Variants in SLC3A1 observed in about 807,000 individuals in gnomAD.
SLC3A1 encodes the protein solute carrier family 3 member 1, also known as amino acid transporter heavy chain SLC3A1.
Under a neutral mutation model 60.3 loss-of-function variants are expected in SLC3A1, and 78 were observed. The observed-to-expected ratio is 1.29, with a 90% CI of 1.08 to 1.56. The LOEUF is 1.56. Ranked by LOEUF, SLC3A1 falls within the 40% of genes most tolerant of loss-of-function variation. SLC3A1 has a pLI of 0.00. For synonymous variants in SLC3A1, 392 were observed against 307.9 expected (o/e 1.27, Z -2.86); for missense variants, 1,172 against 858.9 (o/e 1.36, Z -4.56).
At chr2:44,300,514 T>C (rs1017172634) in intron 5 of SLC3A1, among the ~76,000 whole-genome samples, 2 of 152,154 alleles carry the variant, frequency 1.3e-5, no homozygotes, top group Non-Finnish European at 2.9e-5. Flanking sequence ...GACACTGACA[T>C]AGAAATCCTA....
chr2:44,322,132 C>T (rs920591079), downstream of SLC3A1, among the ~76,000 whole-genome samples: 1 of 152,138 alleles, frequency 6.6e-6, no homozygotes, highest in African/African-American at 2.4e-5. Context: ...TATGGTGCCA[C>T]ACGGACAAGG....
chr2:44,319,028 C>G (rs1039227167), intron 9 of SLC3A1: 2 of 152,184 alleles, frequency 1.3e-5, no homozygotes, highest in East Asian at 1.9e-4. Context: ...ATGTGAGTGG[C>G]ACTGAAACAT....
chr2:44,308,000 C>T (rs1232798717), intron 7 of SLC3A1, among the ~76,000 whole-genome samples: 1 of 152,070 alleles, frequency 6.6e-6, no homozygotes, highest in African/African-American at 2.4e-5. Flanking sequence ...GTAGGCTGGG[C>T]GTGGTGGCTC....
chr2:44,302,128 TAGTAC>T (rs770859273), intron 6 of SLC3A1, among the ~76,000 whole-genome samples: 30 of 152,294 alleles, frequency 2.0e-4, no homozygotes, highest in South Asian at 1.5e-3. Flanking sequence ...TATAGTTTCC[TAGTAC>T]AGTATATAAA....
intron 7 of SLC3A1, among the ~76,000 whole-genome samples, chr2:44,309,789 G>T (rs113456314): frequency 0.053 from 8,064 of 152,238 alleles, 277 homozygotes; most frequent in South Asian, 0.15. Flanking sequence ...AGTAGAAATG[G>T]GGTTTTACCA....
In SLC3A1 at chr2:44,285,904, G is replaced by A; in HGVS notation, c.766-128G>A. 3.3e-6 allele frequency: 4 copies of A among 1,230,338 alleles called. No individual in the cohort carries two copies. The Admixed American group carries it at 6.8e-5, about 21-fold the overall frequency. 76.2% of individuals were successfully genotyped at this position (1,230,338 alleles called of 1,614,324 possible). A position where few individuals can be genotyped will look rare whatever the true frequency, so the allele number is the denominator to read the frequency against. The stretch of plus-strand genomic sequence containing the variant: ...TTGGAAGGGGTTTCTTTAACCTGCT[G>A]CTCTCTGTAGAAGGAAAACTCTCAG... On this transcript the variant is annotated intron_variant, in intron 3 of 9. Transcript: ENST00000260649.
At chr2:44,299,100 C>A (rs1007622491) in intron 4 of SLC3A1, among the ~76,000 whole-genome samples, 1 of 150,352 alleles carries the variant, frequency 6.7e-6, no homozygotes, top group Non-Finnish European at 1.5e-5. Context: ...GTGCAATGGC[C>A]CAATCTCGGC....
At chr2:44,322,395 G>T (rs986256057), downstream of SLC3A1, among the ~76,000 whole-genome samples, 13 of 152,092 alleles carry the variant, frequency 8.5e-5, no homozygotes, top group Non-Finnish European at 1.5e-4. Flanking sequence ...CTGTCTTTTA[G>T]AGATTCCCAA....
At chr2:44,312,439 G>A (rs1005049112) in intron 7 of SLC3A1, 147 bp from the exon 8 acceptor site, 2 of 761,300 alleles carry the variant, frequency 2.6e-6, no homozygotes, top group East Asian at 5.3e-5. Context: ...ACAGCAAATA[G>A]CAGGCCTAGG....
intron 4 of SLC3A1, among the ~76,000 whole-genome samples, chr2:44,296,582 A>T (rs1671850639): frequency 6.6e-6 from 1 of 152,196 alleles, no homozygotes; most frequent in Admixed American, 6.5e-5. Flanking sequence ...TAAAAAATTG[A>T]TTCAAGCTTC....
At position 44,304,223 on chromosome 2, in the gene SLC3A1, A is replaced by AT. The variant is rs1672093562; in HGVS notation, c.1221dup (p.Pro408SerfsTer19). The AT allele has an allele frequency of 7.4e-6, 12 of 1,614,076 alleles. No individual in the cohort carries two copies. Among genetic ancestry groups the AT allele is most frequent in the Non-Finnish European group, 1.0e-5 (12 of 1,179,936 alleles). On this transcript the variant is annotated frameshift_variant, in exon 7 of 10. Transcript: ENST00000260649. LOFTEE classifies it high-confidence loss of function. ...GGATTGCCATTTATCCAAGAAGCTG[A>AT]TTTTCCCTTCAACAATTACCTCAGC...
Position 44,295,398 on chromosome 2 carries a change from C to T in SLC3A1, c.892-4573C>T, listed in dbSNP as rs372817392. On this transcript the variant is annotated intron_variant, in intron 4 of 9. Coordinates refer to ENST00000260649, the MANE Select transcript of SLC3A1 (RefSeq NM_000341.4). ...ACCTAGCTGACCCAGGCTCTGTGCC[C>T]ATTTTTGCATCTGGAACCCTGAGAG... 1.2e-4 allele frequency among the ~76,000 whole-genome samples: 19 copies of T among 152,260 alleles called. No individual in the cohort carries two copies. The East Asian group carries it at 1.3e-3, about 11-fold the overall frequency.
downstream of SLC3A1, among the ~76,000 whole-genome samples, chr2:44,322,360 T>C (rs539685734): frequency 1.3e-5 from 2 of 152,310 alleles, no homozygotes; most frequent in East Asian, 3.9e-4. Context: ...TGGGCACTGA[T>C]GGCCCAAAAC....
At chr2:44,317,692 AAT>A (rs1672540090) in intron 9 of SLC3A1, 1 of 152,442 alleles carries the variant, frequency 6.6e-6, no homozygotes, top group Non-Finnish European at 1.5e-5. Context: ...CTAGACATAA[AAT>A]ATAACAATTT....
intron 7 of SLC3A1, among the ~76,000 whole-genome samples, chr2:44,310,646 T>G (rs1221059528): frequency 6.6e-6 from 1 of 152,212 alleles, no homozygotes; most frequent in African/African-American, 2.4e-5. Context: ...TTGAGGTTCT[T>G]AGATACACAA....
At chr2:44,310,216 A>G (rs1020315159) in intron 7 of SLC3A1, among the ~76,000 whole-genome samples, 1 of 152,134 alleles carries the variant, frequency 6.6e-6, no homozygotes, top group Non-Finnish European at 1.5e-5. Context: ...TACTTCTGTG[A>G]TTTTGAGGAA....
intron 4 of SLC3A1, among the ~76,000 whole-genome samples, chr2:44,299,290 C>T (rs570014996): frequency 7.7e-4 from 117 of 152,294 alleles, no homozygotes; most frequent in Non-Finnish European, 1.4e-3. Flanking sequence ...CCGCCTGCCT[C>T]GGCCTCCCAG....
intron 4 of SLC3A1, among the ~76,000 whole-genome samples, chr2:44,293,134 T>C (rs1324885292): frequency 6.6e-6 from 1 of 152,070 alleles, no homozygotes; most frequent in Non-Finnish European, 1.5e-5. Context: ...TTGTCTGAGA[T>C]GGGAGACACA....
chr2:44,297,538 C>T (rs913893342), intron 4 of SLC3A1, among the ~76,000 whole-genome samples: 7 of 152,164 alleles, frequency 4.6e-5, no homozygotes, highest in Non-Finnish European at 8.8e-5. Flanking sequence ...CTCTTGCAGC[C>T]CTGTAGGCAG....
Sources: gnomAD v4.1 joint callset for allele counts (sites outside exome capture counted in the v4.1 genomes callset) on GRCh38, gnomAD v4.1.1 for gene constraint, MANE v1.5 for transcripts, NCBI Gene and HGNC (gene_info 2026-07-23, HGNC 2026-07-21) for gene names.